The following PARVG variants were observed in gnomAD, a reference collection of about 807,000 sequenced individuals.
The protein encoded by PARVG is gamma-parvin.
In PARVG, 36 loss-of-function variants were observed where a neutral mutation model predicts 44.4. The ratio of observed to expected loss-of-function variants is 0.81; its 90% CI spans 0.62 to 1.07. The LOEUF (loss-of-function observed/expected upper bound fraction) is 1.07, where lower values mean the gene tolerates loss of function less well. PARVG is among the 50% of genes least tolerant of loss of function. The pLI is 0.00. For missense variants in PARVG, 407 were observed against 407.4 expected (o/e 1.00, Z 0.01); for synonymous variants, 170 against 174.1 (o/e 0.98, Z 0.19).
rs73428406 is a variant in PARVG, at chr22:44,206,382, C to T, written c.952C>T (p.Gln318Ter). ...CTATGGTCTGTTCTGCAAGCACACG[C>T]AGAAGGCACACAGGGACAGGACGCC... ...VLYGLFCKHTQKAHRDRTPHG... is the reference protein window; with the variant it reads ...VLYGLFCKHT The change falls in exon 14 of 14, where the codon CAG becomes TAG. Residue 318 changes from glutamine to a stop codon, truncating the protein, a stop_gained. Transcript: ENST00000444313. LOFTEE classifies it low-confidence loss of function (END_TRUNC). 1,437 of 1,614,064 alleles carry T rather than the reference C, an allele frequency of 8.9e-4. 8 individuals are homozygous for T. The African/African-American group carries it at 0.016, about 18-fold the overall frequency.
intron 1 of PARVG, 158 bp downstream of exon 1, chr22:44,181,343 G>A (rs2054373103): frequency 1.0e-6 from 1 of 985,474 alleles, no homozygotes; most frequent in Non-Finnish European, 1.2e-6. Context: ...GGCAGGGGGC[G>A]TGGGGAAGTC....
chr22:44,176,369 G>A (rs9626122), upstream of PARVG, among the ~76,000 whole-genome samples: 1,122 of 152,264 alleles, frequency 7.4e-3, 18 homozygotes, highest in African/African-American at 0.025. Context: ...GAATAATGAC[G>A]GAGAAAAATT....
At chr22:44,183,218 T>C (rs2054410482) in intron 2 of PARVG, 100 bp from the exon 3 acceptor site, 7 of 1,138,662 alleles carry the variant, frequency 6.1e-6, no homozygotes, top group Non-Finnish European at 8.6e-6. Context: ...GAACCTGGCT[T>C]CTACCCTCCT....
intron 12 of PARVG, among the ~76,000 whole-genome samples, chr22:44,202,289 C>T (rs989685491): frequency 6.6e-6 from 1 of 152,098 alleles, no homozygotes; most frequent in African/African-American, 2.4e-5. Flanking sequence ...GAGCCTGCCT[C>T]GGGAAGGCAA....
chr22:44,196,309 AC>A, intron 10 of PARVG, 37 bp from the exon 11 acceptor site: 1 of 1,614,070 alleles, frequency 6.2e-7, no homozygotes, highest in Non-Finnish European at 8.5e-7. Flanking sequence ...CTCCCATCAC[AC>A]CTGCTGTGTG....
intron 12 of PARVG, 100 bp from the exon 13 acceptor site, chr22:44,205,657 T>C (rs1192442730): frequency 7.1e-6 from 10 of 1,404,486 alleles, no homozygotes; most frequent in Non-Finnish European, 8.9e-6. Flanking sequence ...AGGCTCATGA[T>C]GGACATCACA....
In PARVG at chr22:44,193,871, T is replaced by C. The variant is rs754937029; in HGVS notation, c.583+48T>C. The stretch of plus-strand genomic sequence containing the variant: ...GAAATCTGTTCCTATCTGATGCGTG[T>C]TAATGCAGACAAGTCTTAATGCAGG... On this transcript the variant is annotated intron_variant, in intron 9 of 13. Coordinates refer to ENST00000444313, the MANE Select transcript of PARVG (RefSeq NM_022141.7). 4 of 1,605,586 alleles carry C rather than the reference T, an allele frequency of 2.5e-6. No individual in the cohort carries two copies. In the East Asian group the frequency reaches 8.9e-5, roughly 36 times the overall value.
chr22:44,180,418 G>T (rs545330697), upstream of PARVG, among the ~76,000 whole-genome samples: 8 of 152,294 alleles, frequency 5.3e-5, no homozygotes, highest in African/African-American at 1.9e-4. Context: ...TGTGACTGCT[G>T]CTACATCTAT....
In PARVG at chr22:44,192,054, C is replaced by T; in HGVS notation, c.510C>T (p.Thr170=). The T allele has an allele frequency of 1.2e-6, 2 of 1,611,220 alleles. No homozygotes were observed. Among genetic ancestry groups the T allele is most frequent in the Non-Finnish European group, 1.7e-6 (2 of 1,178,414 alleles). ...TCCCCCTTTATTTTTCTTAGAGCAC[C>T]AAAAGTGGTCTGAAGTCAGAGAAGT... ...VQVEVITIES[T]KSGLKSEKLV... is the part of the protein sequence containing the mutation. The change falls in exon 8 of 14, where the codon ACC becomes ACT. Residue 170 remains threonine, a synonymous_variant. Coordinates refer to ENST00000444313, the MANE Select transcript of PARVG (RefSeq NM_022141.7).
In PARVG at chr22:44,187,812, G is replaced by A. The variant is rs765534477; in HGVS notation, c.181G>A (p.Glu61Lys). The part of the protein sequence containing the change: ...MEWINATLLP[E>K]HIVVRSLEED... ...GTGGATCAATGCCACTCTTCTCCCCGAGCACATTGTGGTCCGCAGCCTGGA... is the reference window on the plus strand; with the variant it reads ...GTGGATCAATGCCACTCTTCTCCCCAAGCACATTGTGGTCCGCAGCCTGGA... The change falls in exon 5 of 14, where the codon GAG becomes AAG. Residue 61 changes from glutamate to lysine, a missense_variant. Coordinates refer to ENST00000444313, the MANE Select transcript of PARVG (RefSeq NM_022141.7). 27 of 1,614,112 alleles carry A rather than the reference G, an allele frequency of 1.7e-5. No homozygotes were observed. Among genetic ancestry groups the A allele is most frequent in the South Asian group, 9.9e-5 (9 of 91,090 alleles).
Position 44,206,566 on chromosome 22 carries a change from G to T in PARVG, c.*140G>T. 1.4e-6 allele frequency: 1 copy of T among 732,456 alleles called. No individual in the cohort carries two copies. The allele number at this position is 732,456 out of a possible 1,614,324, so 45.4% of individuals were successfully genotyped here. On this transcript the variant is annotated 3_prime_UTR_variant, in exon 14 of 14. Transcript: ENST00000444313. Reference sequence around the variant, plus strand: ...TCCCACCCTGTCTCCTGTCTCCATCGTTGGATTATCTTTGAACCCCCTTGT... The same window carrying T: ...TCCCACCCTGTCTCCTGTCTCCATCTTTGGATTATCTTTGAACCCCCTTGT...
intron 4 of PARVG, chr22:44,187,537 T>TA (rs2054490625): frequency 1.7e-6 from 1 of 574,132 alleles, no homozygotes; most frequent in Admixed American, 3.0e-5. Context: ...TCACACATGA[T>TA]AATGACAGCC....
intron 1 of PARVG, among the ~76,000 whole-genome samples, chr22:44,173,943 G>A (rs1243300827): frequency 6.6e-6 from 1 of 152,214 alleles, no homozygotes; most frequent in Admixed American, 6.5e-5. Flanking sequence ...CCTTGAGCTG[G>A]CCTGTCTTCG....
At chr22:44,177,717 G>A (rs1391986851), upstream of PARVG, among the ~76,000 whole-genome samples, 1 of 152,098 alleles carries the variant, frequency 6.6e-6, no homozygotes, top group Non-Finnish European at 1.5e-5. Flanking sequence ...ACTTTCTTAT[G>A]ATGTTAATTT....
intron 6 of PARVG, among the ~76,000 whole-genome samples, chr22:44,190,072 T>A (rs1351922148): frequency 6.6e-5 from 10 of 152,128 alleles, no homozygotes; most frequent in Non-Finnish European, 1.2e-4. Flanking sequence ...TTATGCAGCT[T>A]CTCCAAGGTT....
In PARVG at chr22:44,206,982, C is replaced by CAATATTTTCCACTGAGGACTAGGAAAACT. The variant is rs2054790229; in HGVS notation, c.*556_*557insAATATTTTCCACTGAGGACTAGGAAAACT. On this transcript the variant is annotated 3_prime_UTR_variant, in exon 14 of 14. Transcript: ENST00000444313. ...GGATTCAGTGACTGTCAAAGCAACC[C>CAATATTTTCCACTGAGGACTAGGAAAACT]GGGCTGTGTCCTGCAGCTGCCCTCG... The CAATATTTTCCACTGAGGACTAGGAAAACT allele has an allele frequency of 6.4e-6, 1 of 156,580 alleles. No individual in the cohort carries two copies. The highest frequency in any genetic ancestry group is 2.4e-5 in the African/African-American group (1 of 41,418). The allele number at this position is 156,580 out of a possible 1,614,324, so 9.7% of individuals were successfully genotyped here.
intron 1 of PARVG, among the ~76,000 whole-genome samples, chr22:44,173,878 G>A (rs964956906): frequency 6.6e-5 from 10 of 152,250 alleles, no homozygotes; most frequent in Admixed American, 3.9e-4. Flanking sequence ...AAGAATCACC[G>A]GGCCCCCCTG....
At chr22:44,193,439 GT>G (rs907728920) in intron 8 of PARVG, among the ~76,000 whole-genome samples, 24 of 152,172 alleles carry the variant, frequency 1.6e-4, no homozygotes, top group African/African-American at 5.8e-4. Context: ...CAGCATGTAA[GT>G]GGGGGTGATC....
At chr22:44,177,578 A>G (rs2054330331), upstream of PARVG, among the ~76,000 whole-genome samples, 1 of 152,012 alleles carries the variant, frequency 6.6e-6, no homozygotes, top group African/African-American at 2.4e-5. Context: ...GTTATGTTCC[A>G]GAATGTCTTG....
Sources: gnomAD v4.1 joint callset for allele counts (sites outside exome capture counted in the v4.1 genomes callset) on GRCh38, gnomAD v4.1.1 for gene constraint, MANE v1.5 for transcripts, NCBI Gene and HGNC (gene_info 2026-07-23, HGNC 2026-07-21) for gene names.